The following WNK1 variants were observed in gnomAD, a reference collection of about 807,000 sequenced individuals.
WNK1 encodes serine/threonine-protein kinase WNK1.
In WNK1, 38 loss-of-function variants were observed where a neutral mutation model predicts 222.8. The observed-to-expected ratio is 0.17, with a 90% CI of 0.13 to 0.22. The LOEUF (loss-of-function observed/expected upper bound fraction) is 0.22. WNK1 is among the 10% of genes least tolerant of loss of function. The pLI is 1.00. For synonymous variants in WNK1, 1,090 were observed against 1,092.9 expected, an observed-to-expected ratio of 1.00 and a Z score of 0.05; for missense variants, 2,348 against 2,918.4, an observed-to-expected ratio of 0.80 and a Z score of 4.50.
At chr12:872,060 A>G (rs1952201135) in intron 9 of WNK1, among the ~76,000 whole-genome samples, 1 of 152,200 alleles carries the variant, frequency 6.6e-6, no homozygotes, top group Non-Finnish European at 1.5e-5. Flanking sequence ...ATGATGTGTC[A>G]GATTTTACGC....
At chr12:906,683 G>C (rs1222690101) in intron 26 of WNK1, 1 of 985,094 alleles carries the variant, frequency 1.0e-6, no homozygotes, top group Admixed American at 6.2e-5. Context: ...TCATGTTTAT[G>C]GGTCCAGGTG....
chr12:806,831 A>G (rs1298950705), intron 1 of WNK1, among the ~76,000 whole-genome samples: 2 of 152,234 alleles, frequency 1.3e-5, no homozygotes, highest in African/African-American at 2.4e-5. Context: ...AAAACATTAC[A>G]CTTAAGTCAG....
intron 15 of WNK1, 49 bp downstream of exon 15, chr12:883,108 A>ATGATCT: frequency 7.6e-7 from 1 of 1,312,888 alleles, no homozygotes; most frequent in Non-Finnish European, 1.1e-6. Flanking sequence ...CTTGATCTTA[A>ATGATCT]TAGCCATTGC....
chr12:808,478 ATTTT>A (rs921623044), intron 1 of WNK1, among the ~76,000 whole-genome samples: 1 of 149,662 alleles, frequency 6.7e-6, no homozygotes, highest in African/African-American at 2.5e-5. Context: ...GTTCTAAGCC[ATTTT>A]CTAATAGAAC....
intron 2 of WNK1, among the ~76,000 whole-genome samples, chr12:816,410 T>C (rs1184998424): frequency 1.3e-5 from 2 of 152,008 alleles, no homozygotes; most frequent in African/African-American, 4.8e-5. Context: ...CCTGGGACTA[T>C]AGTTGCTCAC....
chr12:861,837 T>C (rs1185363901), intron 7 of WNK1, among the ~76,000 whole-genome samples: 1 of 152,210 alleles, frequency 6.6e-6, no homozygotes, highest in African/African-American at 2.4e-5. Context: ...TTAAGGCTTA[T>C]AGTGTTTCAT....
intron 1 of WNK1, among the ~76,000 whole-genome samples, chr12:774,337 C>G (rs1942871549): frequency 6.6e-6 from 1 of 152,148 alleles, no homozygotes; most frequent in Non-Finnish European, 1.5e-5. Flanking sequence ...GCATCTACCT[C>G]TCAAACTCCA....
chr12:900,906 G>C, intron 26 of WNK1: 1 of 586,360 alleles, frequency 1.7e-6, no homozygotes. Flanking sequence ...AGTTACATCT[G>C]TGTGGCCTAT....
In WNK1 at chr12:884,762, A is replaced by G. The variant is rs1180000369; in HGVS notation, c.3958A>G (p.Asn1320Asp). The G allele has an allele frequency of 1.2e-6, 2 of 1,614,174 alleles. No homozygotes were observed. Among genetic ancestry groups the G allele is most frequent in the East Asian group, 2.2e-5 (1 of 44,876 alleles). Residue 1320 changes from asparagine (N) to aspartate (D), a missense_variant, in exon 19 of 28, where the codon AAC becomes GAC. Asn to Asp is a conservative substitution (Grantham distance 23, BLOSUM62 1). Coordinates refer to ENST00000315939, the MANE Select transcript of WNK1 (RefSeq NM_018979.4). This position sits in a 1 kb window ranked among gnomAD's most constrained non-coding sequence, Gnocchi z 5.6. ...LRRAQMTEGP[N>D]TAPPNFSHTG... is the part of the protein sequence containing the mutation. ...ACGTGCCCAAATGACAGAAGGACCC[A>G]ACACAGCACCTCCAAACTTTAGTCA...
intron 4 of WNK1, among the ~76,000 whole-genome samples, chr12:854,461 G>A (rs1221498916): frequency 6.9e-5 from 10 of 144,316 alleles, no homozygotes; most frequent in African/African-American, 2.5e-4. Flanking sequence ...GGGTTCAAGC[G>A]ATTCTCCTGC....
At chr12:891,016 G>A (rs531865194) in intron 22 of WNK1, among the ~76,000 whole-genome samples, 4 of 151,968 alleles carry the variant, frequency 2.6e-5, no homozygotes, top group Non-Finnish European at 5.9e-5. Context: ...AAATGAAAGG[G>A]GAATGTAGAT....
chr12:801,199 A>C (rs991498275), intron 1 of WNK1, among the ~76,000 whole-genome samples: 4 of 152,152 alleles, frequency 2.6e-5, no homozygotes, highest in Admixed American at 2.6e-4. Context: ...TAAGCTGTTT[A>C]TACTGTCATT....
intron 4 of WNK1, among the ~76,000 whole-genome samples, chr12:842,380 C>T (rs1316365111): frequency 6.6e-6 from 1 of 152,168 alleles, no homozygotes; most frequent in Non-Finnish European, 1.5e-5. Flanking sequence ...GGTAGAAAGG[C>T]TATCCCAGGA....
At chr12:874,326 A>G (rs182645248) in intron 9 of WNK1, among the ~76,000 whole-genome samples, 2 of 152,280 alleles carry the variant, frequency 1.3e-5, no homozygotes, top group Admixed American at 1.3e-4. Flanking sequence ...CGCACAGCAG[A>G]TCATCATGTA....
intron 12 of WNK1, 59 bp from the exon 13 acceptor site, chr12:881,633 G>A (rs1953169682): frequency 7.4e-7 from 1 of 1,347,256 alleles, no homozygotes; most frequent in African/African-American, 1.4e-5. Context: ...TAGATTATTG[G>A]GGATAGTGAA....
intron 3 of WNK1, among the ~76,000 whole-genome samples, chr12:829,255 A>C (rs1293927718): frequency 6.6e-6 from 1 of 152,122 alleles, no homozygotes; most frequent in East Asian, 1.9e-4. Context: ...CTCATAAATC[A>C]GTCTGTATTT....
chr12:899,009 G>T (rs1394113804), intron 25 of WNK1, among the ~76,000 whole-genome samples: 1 of 151,980 alleles, frequency 6.6e-6, no homozygotes, highest in Non-Finnish European at 1.5e-5. Context: ...CAAAGTGCTG[G>T]GATTACAGGC....
intron 1 of WNK1, among the ~76,000 whole-genome samples, chr12:781,762 G>A (rs1283797055): frequency 3.9e-5 from 6 of 152,014 alleles, no homozygotes; most frequent in Admixed American, 3.9e-4. Flanking sequence ...GTATAAATAT[G>A]CTCTTATTTT....
chr12:794,458 G>C (rs951390483), intron 1 of WNK1, among the ~76,000 whole-genome samples: 16 of 151,234 alleles, frequency 1.1e-4, no homozygotes, highest in African/African-American at 3.9e-4. Flanking sequence ...TTTCCTAGAT[G>C]CCCTTTATCC....
Sources: gnomAD v4.1 joint callset for allele counts (sites outside exome capture counted in the v4.1 genomes callset) on GRCh38, gnomAD v4.1.1 for gene constraint, Gnocchi (gnomAD v3.1) non-coding constraint, MANE v1.5 for transcripts, NCBI Gene and HGNC (gene_info 2026-07-23, HGNC 2026-07-21) for gene names.